The following ADD2 variants were observed in gnomAD, a reference collection of about 807,000 sequenced individuals.
The protein encoded by ADD2 is adducin 2, also known as beta-adducin.
In ADD2, 23 loss-of-function variants were observed where a neutral mutation model predicts 83.0. The ratio of observed to expected loss-of-function variants is 0.28; its 90% confidence interval spans 0.20 to 0.39. The LOEUF is 0.39. Ranked by LOEUF, ADD2 falls within the 10% of genes least tolerant of loss-of-function variation. The pLI is 1.00. For synonymous variants in ADD2, 375 were observed against 375.4 expected, an observed-to-expected ratio of 1.00 and a Z score of 0.01; for missense variants, 758 against 944.9, an observed-to-expected ratio of 0.80 and a Z score of 2.59.
chr2:70,737,020 A>G (rs1673603339), intron 1 of ADD2, among the ~76,000 whole-genome samples: 2 of 152,206 alleles, frequency 1.3e-5, no homozygotes, highest in South Asian at 2.1e-4. Flanking sequence ...CAAAACCACA[A>G]TGAGATACCA....
chr2:70,713,329 G>A (rs1672294281), intron 1 of ADD2, 145 bp from the exon 2 acceptor site: 1 of 247,820 alleles, frequency 4.0e-6, no homozygotes, highest in Non-Finnish European at 6.4e-6. Flanking sequence ...AAAAGGTAAA[G>A]AGGCCAGGCA....
intron 12 of ADD2, among the ~76,000 whole-genome samples, 170 bp downstream of exon 12, chr2:70,677,588 C>T (rs889733997): frequency 5.3e-5 from 8 of 152,118 alleles, no homozygotes; most frequent in African/African-American, 9.7e-5. Flanking sequence ...AGGAGTACAG[C>T]GCTTAGCACA....
At chr2:70,746,181 C>G (rs1172056332) in intron 1 of ADD2, among the ~76,000 whole-genome samples, 1 of 152,194 alleles carries the variant, frequency 6.6e-6, no homozygotes, top group African/African-American at 2.4e-5. Flanking sequence ...TAAGGCCCAG[C>G]TCAAATGTCA....
Position 70,663,554 on chromosome 2 carries a change from G to A in ADD2, c.2052C>T (p.Thr684=), listed in dbSNP as rs1558513956. ...DTDVDTSKDK[T]ESVTSGPMSP... ...ACATGGGGCCGCTGGTGACCGACTC[G>A]GTTTTGTCCTTAGAGGTATCAACAT... Residue 684 remains threonine, a synonymous_variant, in exon 16 of 16, where the codon ACC becomes ACT. Coordinates refer to ENST00000264436, the MANE Select transcript of ADD2 (RefSeq NM_001617.4). 11 of 1,614,006 alleles carry A rather than the reference G, an allele frequency of 6.8e-6. No individual in the cohort carries two copies. In the East Asian group the frequency reaches 1.3e-4, roughly 20 times the overall value.
chr2:70,742,177 A>C (rs1043397163), intron 1 of ADD2, among the ~76,000 whole-genome samples: 1 of 152,244 alleles, frequency 6.6e-6, no homozygotes, highest in African/African-American at 2.4e-5. Context: ...TGACGTCAGA[A>C]TAAAGCTTCC....
chr2:70,748,302 A>G (rs1553382395), intron 1 of ADD2, among the ~76,000 whole-genome samples: 1 of 152,040 alleles, frequency 6.6e-6, no homozygotes, highest in African/African-American at 2.4e-5. Flanking sequence ...AAAAAAAAAA[A>G]AAAGGAATCC....
rs782596034 is a variant in ADD2 at position 70,706,206 on chromosome 2, C to G, written c.183+20G>C. 5.0e-6 allele frequency: 8 copies of G among 1,610,016 alleles called. No individual in the cohort carries two copies. The African/African-American group carries it at 1.1e-4, about 22-fold the overall frequency. ...CCAGCGCCCCCTGCGCCCTCTCCCGCCCGGGTCAGCCCCACTCACGGGACT... is the reference window on the plus strand; with the variant it reads ...CCAGCGCCCCCTGCGCCCTCTCCCGGCCGGGTCAGCCCCACTCACGGGACT... On this transcript the variant is annotated intron_variant, in intron 3 of 15. Coordinates refer to ENST00000264436, the MANE Select transcript of ADD2 (RefSeq NM_001617.4). The surrounding 1 kb of genome is among the most constrained non-coding windows in gnomAD (Gnocchi z 5.0).
At position 70,748,269 on chromosome 2, in the gene ADD2, T is replaced by A. The variant is rs142185769; in HGVS notation, c.-154+19617A>T. On this transcript the variant is annotated intron_variant, in intron 1 of 15. Coordinates refer to ENST00000264436, the MANE Select transcript of ADD2 (RefSeq NM_001617.4). ...AAGTATTTAGAGGTAAAATTAGAAATGTCACATATTCAAACACTGATAAAA... is the reference window on the plus strand; with the variant it reads ...AAGTATTTAGAGGTAAAATTAGAAAAGTCACATATTCAAACACTGATAAAA... Among the ~76,000 whole-genome samples the A allele has an allele frequency of 4.3e-5, 6 of 140,048 alleles. No homozygotes were observed. The East Asian group carries it at 1.3e-3, about 29-fold the overall frequency. The allele number at this position is 140,048 out of a possible 152,430, so 91.9% of individuals were successfully genotyped here.
At chr2:70,742,497 G>A (rs1553381299) in intron 1 of ADD2, among the ~76,000 whole-genome samples, 2 of 151,994 alleles carry the variant, frequency 1.3e-5, no homozygotes, top group South Asian at 2.1e-4. Context: ...AAAAAGAAAT[G>A]GACTGCTGGT....
chr2:70,690,582 CTT>C (rs1447968372), intron 8 of ADD2, among the ~76,000 whole-genome samples: 13 of 152,092 alleles, frequency 8.5e-5, no homozygotes, highest in African/African-American at 2.9e-4. Flanking sequence ...GGGAAAACAA[CTT>C]ATTTTATGAT....
intron 15 of ADD2, among the ~76,000 whole-genome samples, chr2:70,668,475 T>C (rs1051766301): frequency 2.6e-5 from 4 of 152,240 alleles, no homozygotes; most frequent in Admixed American, 6.5e-5. Context: ...TACACTTGCA[T>C]GTGTCATTTA....
At chr2:70,708,030 G>A (rs1027192959) in intron 2 of ADD2, among the ~76,000 whole-genome samples, 1 of 152,218 alleles carries the variant, frequency 6.6e-6, no homozygotes, top group Non-Finnish European at 1.5e-5. Flanking sequence ...GTCCAGTAGA[G>A]CATATTCTTG....
In ADD2 at chr2:70,728,273, A is replaced by G. The variant is rs577006566; in HGVS notation, c.-153-15089T>C. Among the ~76,000 whole-genome samples the G allele has an allele frequency of 1.6e-3, 239 of 152,338 alleles. 3 individuals are homozygous for G. The highest frequency in any genetic ancestry group is 2.8e-3 in the Non-Finnish European group (188 of 68,028). ...CTCTTTCCCATTGCCTTAAAAGGCCATTTCCAGTACCTGTCTGCCAGGATC... is the reference window on the plus strand; with the variant it reads ...CTCTTTCCCATTGCCTTAAAAGGCCGTTTCCAGTACCTGTCTGCCAGGATC... On this transcript the variant is annotated intron_variant, in intron 1 of 15. Coordinates refer to ENST00000264436, the MANE Select transcript of ADD2 (RefSeq NM_001617.4).
chr2:70,734,241 T>C, intron 1 of ADD2, among the ~76,000 whole-genome samples: 1 of 152,058 alleles, frequency 6.6e-6, no homozygotes, highest in East Asian at 1.9e-4. Context: ...TTGGCATGGA[T>C]CTAGGACAAT....
At chr2:70,731,734 G>T (rs889423642) in intron 1 of ADD2, among the ~76,000 whole-genome samples, 1 of 152,184 alleles carries the variant, frequency 6.6e-6, no homozygotes, top group African/African-American at 2.4e-5. Context: ...CTGGAGAAAA[G>T]ACAAATCCCT....
intron 1 of ADD2, among the ~76,000 whole-genome samples, chr2:70,736,578 G>C (rs1673573282): frequency 6.6e-6 from 1 of 152,164 alleles, no homozygotes; most frequent in Non-Finnish European, 1.5e-5. Context: ...TCTAAACCAA[G>C]TAAGACATGA....
intron 1 of ADD2, among the ~76,000 whole-genome samples, chr2:70,734,751 T>C (rs1448531844): frequency 6.6e-6 from 1 of 152,228 alleles, no homozygotes; most frequent in Non-Finnish European, 1.5e-5. Flanking sequence ...AACAACCATG[T>C]GCTTAATTCT....
At position 70,676,922 on chromosome 2, in the gene ADD2, T is replaced by C. The variant is rs781863547; in HGVS notation, c.1504-37A>G. 3 of 1,602,274 alleles carry C rather than the reference T, an allele frequency of 1.9e-6. No homozygotes were observed. The highest frequency in any genetic ancestry group is 2.2e-5 in the South Asian group (2 of 89,728). On this transcript the variant is annotated intron_variant, in intron 12 of 15. Coordinates refer to ENST00000264436, the MANE Select transcript of ADD2 (RefSeq NM_001617.4). This position sits in a 1 kb window ranked among gnomAD's most constrained non-coding sequence, Gnocchi z 4.8. ...GGGGAGAGGAAGAGTGAGCTGGCTG[T>C]TCAGGGTCAGCGTGGAGTTTGGGAG...
intron 15 of ADD2, among the ~76,000 whole-genome samples, chr2:70,669,886 A>C (rs1669831399): frequency 6.6e-6 from 1 of 152,222 alleles, no homozygotes; most frequent in African/African-American, 2.4e-5. Flanking sequence ...ACAGACAGAC[A>C]GACAGACACC....
Sources: gnomAD v4.1 joint callset for allele counts (sites outside exome capture counted in the v4.1 genomes callset) on GRCh38, gnomAD v4.1.1 for gene constraint, Gnocchi (gnomAD v3.1) non-coding constraint, MANE v1.5 for transcripts, NCBI Gene and HGNC (gene_info 2026-07-23, HGNC 2026-07-21) for gene names.